SOHLH2: variants seen among roughly 807,000 people sequenced by gnomAD.
SOHLH2 encodes spermatogenesis- and oogenesis-specific basic helix-loop-helix-containing protein 2.
A neutral mutation model predicts 50.4 loss-of-function variants in SOHLH2; 22 were observed. The ratio of observed to expected loss-of-function variants is 0.44; its 90% CI spans 0.31 to 0.62. The LOEUF (loss-of-function observed/expected upper bound fraction) is 0.62, where lower values mean the gene tolerates loss of function less well. SOHLH2 is among the 20% of genes least tolerant of loss of function. SOHLH2 has a pLI of 0.08. For missense variants in SOHLH2, 412 were observed against 504.4 expected (o/e 0.82, Z 1.76); for synonymous variants, 185 against 187.3 (o/e 0.99, Z 0.10).
chr13:36,185,744 T>A (rs77200014), intron 6 of SOHLH2, among the ~76,000 whole-genome samples: 1,532 of 152,304 alleles, frequency 0.01, 22 homozygotes, highest in African/African-American at 0.034. Flanking sequence ...TAAACAAATG[T>A]GACACTTAAG....
intron 2 of SOHLH2, among the ~76,000 whole-genome samples, chr13:36,197,486 A>G (rs1285964324): frequency 6.6e-6 from 1 of 152,106 alleles, no homozygotes; most frequent in African/African-American, 2.4e-5. Context: ...GGCCTCTGAA[A>G]TCTATCATCT....
chr13:36,212,133 T>G (rs1425981133), intron 1 of SOHLH2, among the ~76,000 whole-genome samples: 1 of 152,098 alleles, frequency 6.6e-6, no homozygotes, highest in Non-Finnish European at 1.5e-5. Context: ...GGGAGAAATC[T>G]GAGGGTAGGT....
chr13:36,174,264 G>A, intron 8 of SOHLH2, among the ~76,000 whole-genome samples: 1 of 152,204 alleles, frequency 6.6e-6, no homozygotes, highest in Non-Finnish European at 1.5e-5. Flanking sequence ...AAGCAAGGGT[G>A]AGTCACATGA....
intron 1 of SOHLH2, among the ~76,000 whole-genome samples, chr13:36,213,304 T>C (rs1314351477): frequency 6.6e-6 from 1 of 152,204 alleles, no homozygotes; most frequent in South Asian, 2.1e-4. Flanking sequence ...AAATACTATT[T>C]TTCCTTAGAG....
chr13:36,173,794 T>TCA lies in SOHLH2; in HGVS notation c.896_897dup (p.Ser300Ter). ...AGCCCTCTCTCAGGGGAGTAAGTGC[T>TCA]CATCACACTGTTTTCCCTTGAAAGG... On this transcript the variant is annotated frameshift_variant, in exon 9 of 11. Coordinates refer to ENST00000379881, the MANE Select transcript of SOHLH2 (RefSeq NM_017826.3). LOFTEE classifies it high-confidence loss of function. The TCA allele has an allele frequency of 6.2e-7, 1 of 1,613,984 alleles. No individual in the cohort carries two copies. The highest frequency in any genetic ancestry group is 8.5e-7 in the Non-Finnish European group (1 of 1,179,964).
intron 5 of SOHLH2, among the ~76,000 whole-genome samples, chr13:36,190,583 T>G (rs540994770): frequency 6.6e-6 from 1 of 152,260 alleles, no homozygotes; most frequent in African/African-American, 2.4e-5. Context: ...TCTAAGAAAC[T>G]TGCAAACTAA....
At chr13:36,170,464 A>G (rs1886931050) in intron 10 of SOHLH2, 67 bp downstream of exon 10, 38 of 1,538,926 alleles carry the variant, frequency 2.5e-5, no homozygotes, top group Non-Finnish European at 3.1e-5. Context: ...CAACAAATGC[A>G]GGTCAGGGGT....
At chr13:36,205,259 T>C (rs1399347433) in intron 1 of SOHLH2, among the ~76,000 whole-genome samples, 9 of 152,194 alleles carry the variant, frequency 5.9e-5, no homozygotes. Flanking sequence ...TTATGCCTTT[T>C]ATTTGACTTT....
chr13:36,195,521 A>G (rs900264306), intron 2 of SOHLH2, among the ~76,000 whole-genome samples: 1 of 152,154 alleles, frequency 6.6e-6, no homozygotes, highest in African/African-American at 2.4e-5. Context: ...ATTGAAGAAA[A>G]ATGGGCAACG....
At chr13:36,190,128 A>G (rs940371704) in intron 5 of SOHLH2, 72 bp from the exon 6 acceptor site, 6 of 1,377,640 alleles carry the variant, frequency 4.4e-6, no homozygotes, top group African/African-American at 1.4e-5. Context: ...AATACGCACC[A>G]ATACACTAAA....
rs1232108614 is a variant in SOHLH2 at position 36,168,401 on chromosome 13, C to T, written c.*633G>A. Reference sequence around the variant, plus strand: ...CTTAAGGTCCAGAAAGAAATATTTACCTATTAGCCATCGTTTCACTCAAGG... The same window carrying T: ...CTTAAGGTCCAGAAAGAAATATTTATCTATTAGCCATCGTTTCACTCAAGG... On this transcript the variant is annotated 3_prime_UTR_variant, in exon 11 of 11. Transcript: ENST00000379881. The T allele has an allele frequency of 6.6e-6, 1 of 152,138 alleles. No individual in the cohort carries two copies. Among genetic ancestry groups the T allele is most frequent in the African/African-American group, 2.4e-5 (1 of 41,430 alleles). The allele number at this position is 152,138 out of a possible 1,614,324, so 9.4% of individuals were successfully genotyped here.
At chr13:36,177,371 A>T (rs1887122239) in intron 6 of SOHLH2, among the ~76,000 whole-genome samples, 2 of 152,236 alleles carry the variant, frequency 1.3e-5, no homozygotes, top group Non-Finnish European at 2.9e-5. Context: ...ATTACAAATA[A>T]GGATGCTAGA....
intron 6 of SOHLH2, among the ~76,000 whole-genome samples, chr13:36,179,962 C>T (rs987990693): frequency 1.3e-5 from 2 of 152,068 alleles, no homozygotes; most frequent in African/African-American, 4.8e-5. Context: ...TCTGTAAGAA[C>T]GTGTTTAAGA....
At chr13:36,191,746 A>G (rs765405581) in intron 5 of SOHLH2, 49 bp downstream of exon 5, 15 of 1,608,990 alleles carry the variant, frequency 9.3e-6, no homozygotes, top group Middle Eastern at 1.7e-4. Flanking sequence ...GCCACAATCA[A>G]TAAGTTCTCT....
chr13:36,206,598 C>A (rs1868777126), intron 1 of SOHLH2, among the ~76,000 whole-genome samples: 1 of 151,868 alleles, frequency 6.6e-6, no homozygotes, highest in Admixed American at 6.6e-5. Context: ...TTCTTCATAG[C>A]CTAATACACA....
chr13:36,178,603 C>A (rs541918352), intron 6 of SOHLH2, among the ~76,000 whole-genome samples: 3 of 152,132 alleles, frequency 2.0e-5, no homozygotes, highest in Admixed American at 6.5e-5. Flanking sequence ...TATTCTAAGT[C>A]CTTTTCATAC....
rs1887028228 is a variant in SOHLH2, at chr13:36,173,790, G to A, written c.902C>T (p.Thr301Ile). Residue 301 changes from threonine (T) to isoleucine (I), a missense_variant, in exon 9 of 11, where the codon ACT becomes ATT. Transcript: ENST00000379881. Reference sequence around the variant, plus strand: ...TTGGAGCCCTCTCTCAGGGGAGTAAGTGCTCATCACACTGTTTTCCCTTGA... The same window carrying A: ...TTGGAGCCCTCTCTCAGGGGAGTAAATGCTCATCACACTGTTTTCCCTTGA... The part of the protein sequence containing the change: ...MAQRENSVMS[T>I]YSPERGLQFL... The A allele has an allele frequency of 6.2e-7, 1 of 1,613,882 alleles. No homozygotes were observed.
At chr13:36,197,766 G>C (rs910651290) in intron 2 of SOHLH2, among the ~76,000 whole-genome samples, 1 of 152,154 alleles carries the variant, frequency 6.6e-6, no homozygotes, top group African/African-American at 2.4e-5. Context: ...AGTGAAGAGT[G>C]GTGTGCCCTG....
chr13:36,198,477 C>G (rs1887802270), intron 2 of SOHLH2, among the ~76,000 whole-genome samples: 1 of 152,270 alleles, frequency 6.6e-6, no homozygotes, highest in Middle Eastern at 3.4e-3. Flanking sequence ...AAATATGTCA[C>G]CACTAGGTAG....
Sources: allele counts gnomAD v4.1 joint callset (sites outside exome capture counted in the v4.1 genomes callset), GRCh38; gene constraint gnomAD v4.1.1; transcripts MANE v1.5; gene names NCBI Gene and HGNC (gene_info 2026-07-23, HGNC 2026-07-21).